The following OXCT1 variants were observed in gnomAD, a reference collection of about 807,000 sequenced individuals.
The protein encoded by OXCT1 is 3-oxoacid CoA-transferase 1, also known as succinyl-CoA:3-ketoacid coenzyme A transferase 1, mitochondrial.
A neutral mutation model predicts 69.6 loss-of-function variants in OXCT1; 27 were observed. That is an observed-to-expected ratio of 0.39 (90% CI 0.29 to 0.54). The LOEUF (loss-of-function observed/expected upper bound fraction) is 0.54, where lower values mean the gene tolerates loss of function less well. OXCT1 is among the 20% of genes least tolerant of loss of function. OXCT1 has a pLI of 0.72. For missense variants in OXCT1, 437 were observed against 650.2 expected (o/e 0.67, Z 3.57); for synonymous variants, 202 against 217.8 (o/e 0.93, Z 0.64).
At chr5:41,822,590 C>T (rs1747608896) in intron 7 of OXCT1, among the ~76,000 whole-genome samples, 1 of 152,118 alleles carries the variant, frequency 6.6e-6, no homozygotes, top group Non-Finnish European at 1.5e-5. Flanking sequence ...TCCCCTGACT[C>T]AGCCTCCCAA....
chr5:41,854,897 A>G (rs1749360197), intron 3 of OXCT1, among the ~76,000 whole-genome samples: 1 of 152,244 alleles, frequency 6.6e-6, no homozygotes, highest in Admixed American at 6.5e-5. Flanking sequence ...CAATATATCC[A>G]TATGCTATGG....
At chr5:41,743,852 T>C (rs1403780914) in intron 15 of OXCT1, among the ~76,000 whole-genome samples, 1 of 152,220 alleles carries the variant, frequency 6.6e-6, no homozygotes, top group East Asian at 1.9e-4. Flanking sequence ...TCTGTTTTGG[T>C]ACCAGTACCA....
chr5:41,858,267 G>A (rs1027057329), intron 3 of OXCT1, among the ~76,000 whole-genome samples: 1 of 152,128 alleles, frequency 6.6e-6, no homozygotes, highest in Admixed American at 6.5e-5. Context: ...TTTGGCAAGT[G>A]TATATCTTAC....
At chr5:41,853,609 A>G in intron 3 of OXCT1, 55 bp from the exon 4 acceptor site, 4 of 1,553,486 alleles carry the variant, frequency 2.6e-6, no homozygotes, top group Non-Finnish European at 3.5e-6. Flanking sequence ...ACACTATTAC[A>G]TCTTTTTAAA....
chr5:41,794,495 G>A, intron 12 of OXCT1, 182 bp downstream of exon 12: 1 of 638,722 alleles, frequency 1.6e-6, no homozygotes, highest in Non-Finnish European at 2.7e-6. Flanking sequence ...TCCTAACAGT[G>A]GGCTGGATAT....
intron 2 of OXCT1, among the ~76,000 whole-genome samples, chr5:41,862,272 G>T (rs1749773662): frequency 6.6e-6 from 1 of 152,082 alleles, no homozygotes; most frequent in Non-Finnish European, 1.5e-5. Flanking sequence ...TGTCTACGGG[G>T]TCTCTGAAGG....
Position 41,842,644 on chromosome 5 carries a change from T to C in OXCT1, c.671+31A>G, listed in dbSNP as rs13164201. 0.19 allele frequency: 275,297 copies of C among 1,422,018 alleles called. 28,664 individuals are homozygous for C. The highest frequency in any genetic ancestry group is 0.3 in the Middle Eastern group (1,727 of 5,700). 88.1% of individuals were successfully genotyped at this position (1,422,018 alleles called of 1,614,324 possible). A position where few individuals can be genotyped will look rare whatever the true frequency, so the allele number is the denominator to read the frequency against. ...ATGTCCATTTTTAGAGTTGCTGATA[T>C]GCACGAGTGTTTTTAAAACTATCAC... On this transcript the variant is annotated intron_variant, in intron 6 of 16. Transcript: ENST00000196371.
chr5:41,753,600 G>A (rs572119822), intron 14 of OXCT1, among the ~76,000 whole-genome samples: 1 of 152,212 alleles, frequency 6.6e-6, no homozygotes, highest in African/African-American at 2.4e-5. Context: ...CTCATCTGGT[G>A]CTGCAGTCAT....
intron 13 of OXCT1, among the ~76,000 whole-genome samples, chr5:41,786,024 A>G (rs1392252142): frequency 1.3e-5 from 2 of 152,194 alleles, no homozygotes; most frequent in Non-Finnish European, 2.9e-5. Flanking sequence ...AGTGCTTCCC[A>G]GATGGGGGCC....
intron 14 of OXCT1, among the ~76,000 whole-genome samples, chr5:41,753,709 T>C (rs954105561): frequency 1.3e-5 from 2 of 152,242 alleles, no homozygotes; most frequent in Middle Eastern, 3.4e-3. Flanking sequence ...CATTAGATGC[T>C]GAGCTCACTA....
intron 9 of OXCT1, 41 bp from the exon 10 acceptor site, chr5:41,803,204 G>A (rs1315117449): frequency 1.5e-6 from 2 of 1,322,262 alleles, no homozygotes; most frequent in Non-Finnish European, 2.2e-6. Flanking sequence ...ATAAAAGGTA[G>A]AGAAGTTATA....
At chr5:41,817,948 G>A (rs1010525529) in intron 7 of OXCT1, among the ~76,000 whole-genome samples, 2 of 152,214 alleles carry the variant, frequency 1.3e-5, no homozygotes, top group African/African-American at 4.8e-5. Flanking sequence ...CCATCAGGAA[G>A]AACCACTGAA....
At chr5:41,832,695 A>G (rs1330791912) in intron 7 of OXCT1, among the ~76,000 whole-genome samples, 1 of 152,178 alleles carries the variant, frequency 6.6e-6, no homozygotes, top group East Asian at 1.9e-4. Context: ...ATCTTGGGGA[A>G]ACAGAGATAT....
chr5:41,846,437 C>T (rs1363732754), intron 5 of OXCT1, among the ~76,000 whole-genome samples: 1 of 146,368 alleles, frequency 6.8e-6, no homozygotes, highest in African/African-American at 2.5e-5. Context: ...CAATTTCATC[C>T]ATGTCCCTAC....
chr5:41,744,817 A>C (rs1444330586), intron 15 of OXCT1, among the ~76,000 whole-genome samples: 1 of 152,164 alleles, frequency 6.6e-6, no homozygotes, highest in Non-Finnish European at 1.5e-5. Context: ...AGATCAAAAG[A>C]GACAAAGAAG....
intron 7 of OXCT1, among the ~76,000 whole-genome samples, chr5:41,837,055 C>T (rs1748400098): frequency 6.6e-6 from 1 of 152,040 alleles, no homozygotes; most frequent in East Asian, 1.9e-4. Flanking sequence ...GATGTATGTT[C>T]CTTTGCCACC....
At chr5:41,848,470 C>T (rs372608742) in intron 5 of OXCT1, among the ~76,000 whole-genome samples, 14,025 of 129,134 alleles carry the variant, frequency 0.11, 846 homozygotes, top group Middle Eastern at 0.21. Context: ...GAGCCCGCAT[C>T]GCCAAGTCAA....
chr5:41,803,486 T>G (rs1746518682), intron 9 of OXCT1, among the ~76,000 whole-genome samples: 1 of 152,132 alleles, frequency 6.6e-6, no homozygotes, highest in Admixed American at 6.6e-5. Context: ...TATAACTGAT[T>G]TATTAAACAC....
intron 7 of OXCT1, among the ~76,000 whole-genome samples, chr5:41,825,631 C>A (rs371856038): frequency 6.6e-6 from 1 of 152,196 alleles, no homozygotes; most frequent in Non-Finnish European, 1.5e-5. Flanking sequence ...GCATCAGTAT[C>A]TGAGGCCCTC....
Sources: gnomAD v4.1 joint callset for allele counts (sites outside exome capture counted in the v4.1 genomes callset) on GRCh38, gnomAD v4.1.1 for gene constraint, MANE v1.5 for transcripts, NCBI Gene and HGNC (gene_info 2026-07-23, HGNC 2026-07-21) for gene names.